CSMD3: variants seen among roughly 807,000 people sequenced by gnomAD.
The protein encoded by CSMD3 is CUB and Sushi multiple domains 3, also known as CUB and sushi domain-containing protein 3.
CSMD3 carries 177 observed loss-of-function variants against 435.2 expected under a neutral mutation model. That is an observed-to-expected ratio of 0.41 (90% CI 0.36 to 0.46). The LOEUF (loss-of-function observed/expected upper bound fraction) is 0.46, where lower values mean the gene tolerates loss of function less well. CSMD3 is among the 20% of genes least tolerant of loss of function. The pLI, the probability that CSMD3 is intolerant of heterozygous loss-of-function variation, is 0.34. For missense variants in CSMD3, 4,265 were observed against 4,504.6 expected, an observed-to-expected ratio of 0.95 and a Z score of 1.52; for synonymous variants, 1,656 against 1,520.5, an observed-to-expected ratio of 1.09 and a Z score of -2.07.
At chr8:112,823,900 T>C (rs1382424283) in intron 12 of CSMD3, among the ~76,000 whole-genome samples, 1 of 152,144 alleles carries the variant, frequency 6.6e-6, no homozygotes, top group African/African-American at 2.4e-5. Context: ...CTCACTGATA[T>C]ATCTAATATT....
At chr8:113,130,202 A>G (rs376840144) in intron 4 of CSMD3, among the ~76,000 whole-genome samples, 20 of 152,226 alleles carry the variant, frequency 1.3e-4, no homozygotes, top group African/African-American at 4.8e-4. Flanking sequence ...GAGAAAAATA[A>G]AGCTAGGAAA....
chr8:112,291,882 G>A (rs1819797983), intron 55 of CSMD3, among the ~76,000 whole-genome samples, 187 bp from the exon 56 acceptor site: 1 of 151,800 alleles, frequency 6.6e-6, no homozygotes. Flanking sequence ...AGAAAATACA[G>A]AAGAAAGAAA....
chr8:113,369,901 G>A (rs752626710), intron 1 of CSMD3, among the ~76,000 whole-genome samples: 11 of 151,818 alleles, frequency 7.2e-5, no homozygotes, highest in East Asian at 1.9e-4. Context: ...ACTAGAGGCT[G>A]AGGCAGTGAC....
chr8:112,815,771 A>AT (rs1366745056), intron 12 of CSMD3, among the ~76,000 whole-genome samples: 1 of 152,224 alleles, frequency 6.6e-6, no homozygotes, highest in Non-Finnish European at 1.5e-5. Flanking sequence ...GTTTTTTAAC[A>AT]TTAGACATAT....
At chr8:112,474,299 T>A (rs1423628281) in intron 31 of CSMD3, among the ~76,000 whole-genome samples, 1 of 151,226 alleles carries the variant, frequency 6.6e-6, no homozygotes, top group Non-Finnish European at 1.5e-5. Flanking sequence ...CGAACTAGAG[T>A]GGGGAGGGGG....
Position 112,563,985 on chromosome 8 carries a change from G to T in CSMD3, c.4043-7031C>A, listed in dbSNP as rs75226186. Among the ~76,000 whole-genome samples the T allele has an allele frequency of 1.3e-3, 199 of 152,082 alleles. 7 individuals are homozygous for T. In the East Asian group the frequency reaches 0.036, roughly 28 times the overall value. The stretch of plus-strand genomic sequence containing the variant: ...TTAAACTAAAAAAGAATTGAGGAAG[G>T]CACAGCTCACACGAGTGTGAAAACC... On this transcript the variant is annotated intron_variant, in intron 24 of 70. Coordinates refer to ENST00000297405, the MANE Select transcript of CSMD3 (RefSeq NM_198123.2).
At chr8:112,469,499 A>T (rs1818312561) in intron 32 of CSMD3, among the ~76,000 whole-genome samples, 1 of 152,170 alleles carries the variant, frequency 6.6e-6, no homozygotes, top group South Asian at 2.1e-4. Flanking sequence ...CCTTTTTGGC[A>T]CGAGGGACAG....
At chr8:112,428,791 C>T (rs975424754) in intron 32 of CSMD3, among the ~76,000 whole-genome samples, 1 of 152,080 alleles carries the variant, frequency 6.6e-6, no homozygotes, top group Non-Finnish European at 1.5e-5. Context: ...TCCCTGAATT[C>T]TCATTATTCC....
chr8:112,400,573 C>A (rs934390160), intron 35 of CSMD3, among the ~76,000 whole-genome samples: 9 of 151,998 alleles, frequency 5.9e-5, no homozygotes, highest in African/African-American at 2.2e-4. Context: ...TCCTGGGTAC[C>A]CACATCTTTT....
At chr8:112,556,061 T>C (rs1461921833) in intron 25 of CSMD3, among the ~76,000 whole-genome samples, 1 of 150,250 alleles carries the variant, frequency 6.7e-6, no homozygotes, top group Non-Finnish European at 1.5e-5. Flanking sequence ...TCCTTTGTTG[T>C]CCTAGTATTC....
At chr8:113,215,541 T>G (rs187320458) in intron 3 of CSMD3, among the ~76,000 whole-genome samples, 7 of 151,966 alleles carry the variant, frequency 4.6e-5, no homozygotes, top group African/African-American at 1.7e-4. Context: ...CAACCAAAGG[T>G]AAAATAATTT....
intron 12 of CSMD3, among the ~76,000 whole-genome samples, chr8:112,814,884 C>A (rs910762299): frequency 6.6e-6 from 1 of 152,000 alleles, no homozygotes; most frequent in African/African-American, 2.4e-5. Flanking sequence ...TCTATAATCA[C>A]TCAAGGCCTT....
At chr8:113,106,680 C>T (rs545337226) in intron 4 of CSMD3, among the ~76,000 whole-genome samples, 4 of 152,298 alleles carry the variant, frequency 2.6e-5, no homozygotes, top group African/African-American at 9.6e-5. Flanking sequence ...TCATGTTCCA[C>T]TTCCATTTAT....
intron 38 of CSMD3, among the ~76,000 whole-genome samples, chr8:112,361,576 T>TAC (rs1827223325): frequency 1.1e-4 from 1 of 9,494 alleles, no homozygotes; most frequent in African/African-American, 3.0e-4. Context: ...CACATACATA[T>TAC]ATATATATAT....
chr8:113,095,351 T>C (rs1204382365), intron 5 of CSMD3, among the ~76,000 whole-genome samples: 1 of 152,150 alleles, frequency 6.6e-6, no homozygotes, highest in Non-Finnish European at 1.5e-5. Context: ...CAACACTCTT[T>C]CTTGCAAAAT....
intron 4 of CSMD3, among the ~76,000 whole-genome samples, chr8:113,127,323 T>G (rs996056598): frequency 6.6e-6 from 1 of 152,056 alleles, no homozygotes. Flanking sequence ...ATCAACAAAA[T>G]AAGGTCATAA....
At chr8:113,195,791 T>TATATA (rs2092645423) in intron 3 of CSMD3, among the ~76,000 whole-genome samples, 6 of 126,022 alleles carry the variant, frequency 4.8e-5, no homozygotes, top group East Asian at 4.6e-4. Flanking sequence ...ATCCTATATT[T>TATATA]TATATATATA....
At chr8:112,919,477 CT>C (rs1470927788) in intron 10 of CSMD3, among the ~76,000 whole-genome samples, 1 of 151,838 alleles carries the variant, frequency 6.6e-6, no homozygotes, top group Non-Finnish European at 1.5e-5. Context: ...TAGTCTCAAT[CT>C]TACTTTATGT....
At chr8:113,309,761 C>T (rs906381027) in intron 2 of CSMD3, 1 of 152,040 alleles carries the variant, frequency 6.6e-6, no homozygotes, top group African/African-American at 2.4e-5. Context: ...AAAAAATAAG[C>T]TTTGGATATT....
Sources: allele counts gnomAD v4.1 joint callset (sites outside exome capture counted in the v4.1 genomes callset), GRCh38; gene constraint gnomAD v4.1.1; transcripts MANE v1.5; gene names NCBI Gene and HGNC (gene_info 2026-07-23, HGNC 2026-07-21).